The following CPAMD8 variants were observed in gnomAD, a reference collection of about 807,000 sequenced individuals.
The protein encoded by CPAMD8 is C3 and PZP like alpha-2-macroglobulin domain containing 8, also known as C3 and PZP-like alpha-2-macroglobulin domain-containing protein 8.
In CPAMD8, 146 loss-of-function variants were observed where a neutral mutation model predicts 224.7. That is an observed-to-expected ratio of 0.65 (90% CI 0.57 to 0.75). CPAMD8 has a LOEUF of 0.75. Ranked by LOEUF, CPAMD8 falls within the 30% of genes least tolerant of loss-of-function variation. The probability of loss-of-function intolerance (pLI) is 0.00; values close to 1 mark genes in which losing one functional copy is unlikely to be tolerated. For missense variants in CPAMD8, 2,301 were observed against 2,537.5 expected (o/e 0.91, Z 2.00); for synonymous variants, 966 against 1,044.6 (o/e 0.92, Z 1.45).
chr19:16,988,708 T>G (rs951974431), intron 13 of CPAMD8, among the ~76,000 whole-genome samples: 1 of 151,882 alleles, frequency 6.6e-6, no homozygotes, highest in African/African-American at 2.4e-5. Flanking sequence ...AAGGGATCCC[T>G]GTGTCAGCTG....
At chr19:16,981,132 C>T (rs1290170035) in intron 13 of CPAMD8, among the ~76,000 whole-genome samples, 1 of 151,772 alleles carries the variant, frequency 6.6e-6, no homozygotes, top group Non-Finnish European at 1.5e-5. Context: ...GCGGACAGAT[C>T]GCTCAAGTCC....
At chr19:16,974,947 C>T in intron 17 of CPAMD8, 150 bp downstream of exon 17, 2 of 1,066,442 alleles carry the variant, frequency 1.9e-6, no homozygotes, top group Non-Finnish European at 2.7e-6. Flanking sequence ...TGCACTCCAG[C>T]CTGGGCCACA....
At chr19:16,940,769 C>T (rs1042470633) in intron 22 of CPAMD8, among the ~76,000 whole-genome samples, 9 of 152,104 alleles carry the variant, frequency 5.9e-5, no homozygotes, top group East Asian at 1.9e-4. Context: ...CTGCTAGGCC[C>T]GATGTGGCAC....
At chr19:16,943,880 T>C (rs918695020) in intron 22 of CPAMD8, among the ~76,000 whole-genome samples, 1 of 152,142 alleles carries the variant, frequency 6.6e-6, no homozygotes, top group Non-Finnish European at 1.5e-5. Flanking sequence ...AGCCCTCCTA[T>C]CACTCCAGTG....
intron 41 of CPAMD8, chr19:16,895,825 T>G (rs1462985102): frequency 6.4e-6 from 3 of 466,198 alleles, no homozygotes; most frequent in Non-Finnish European, 8.5e-6. Context: ...TGAAAAAATC[T>G]GAAATCCGAA....
At chr19:17,025,366 C>T (rs1047465396) in intron 1 of CPAMD8, among the ~76,000 whole-genome samples, 1 of 152,150 alleles carries the variant, frequency 6.6e-6, no homozygotes, top group African/African-American at 2.4e-5. Context: ...AAGCCAAGAT[C>T]GTGCCATTGC....
intron 17 of CPAMD8, among the ~76,000 whole-genome samples, chr19:16,972,655 C>T (rs973650101): frequency 2.0e-5 from 3 of 151,970 alleles, no homozygotes; most frequent in African/African-American, 7.2e-5. Context: ...AAGATGGTCT[C>T]GATCTCCTGA....
rs138447834 is a variant in CPAMD8, at chr19:16,968,867, G to T, written c.2213+2024C>A. On this transcript the variant is annotated intron_variant, in intron 18 of 41. Coordinates refer to ENST00000443236, the MANE Select transcript of CPAMD8 (RefSeq NM_015692.5). ...TGCCCAGGCTGGTCTCAAACTCCTA[G>T]GCTCAAGTGATCTGCCTGCCTTGGC... Among the ~76,000 whole-genome samples, 50 of 152,224 alleles carry T rather than the reference G, an allele frequency of 3.3e-4. 1 individual carries two copies. In the East Asian group the frequency reaches 9.1e-3, roughly 28 times the overall value.
In CPAMD8 at chr19:16,893,083, C is replaced by T; in HGVS notation, c.*25G>A. ...ATGGTCCCCAGGACCAAACTGCGGT[C>T]CCACAACTGCATGTGGTTGTAGGAT... On this transcript the variant is annotated 3_prime_UTR_variant, in exon 42 of 42. Transcript: ENST00000443236. 9.3e-7 allele frequency: 1 copy of T among 1,078,696 alleles called. No individual in the cohort carries two copies. The highest frequency in any genetic ancestry group is 1.4e-6 in the Non-Finnish European group (1 of 693,496). The allele number at this position is 1,078,696 out of a possible 1,614,324, so 66.8% of individuals were successfully genotyped here. A position where few individuals can be genotyped will look rare whatever the true frequency, so the allele number is the denominator to read the frequency against.
intron 29 of CPAMD8, among the ~76,000 whole-genome samples, chr19:16,909,846 C>T (rs976061882): frequency 6.6e-6 from 1 of 152,092 alleles, no homozygotes; most frequent in East Asian, 1.9e-4. Context: ...CACTGCTGAT[C>T]GGCACGGGAG....
chr19:17,011,687 G>A lies in CPAMD8; in HGVS notation c.338C>T (p.Pro113Leu). 1 of 1,613,950 alleles carries A rather than the reference G, an allele frequency of 6.2e-7. No individual in the cohort carries two copies. Among genetic ancestry groups the A allele is most frequent in the Non-Finnish European group, 8.5e-7 (1 of 1,179,982 alleles). The change falls in exon 4 of 42, where the codon CCC becomes CTC. Residue 113 changes from proline to leucine, a missense_variant. Coordinates refer to ENST00000443236, the MANE Select transcript of CPAMD8 (RefSeq NM_015692.5). The part of the protein sequence containing the change: ...WGRGWQAEEG[P>L]LFHNQTSVTV... The stretch of plus-strand genomic sequence containing the variant: ...CACCGAGGTCTGGTTGTGAAAGAGG[G>A]GCCCCTCCTCCGCCTGCCAGCCGCG...
chr19:16,939,630 G>A (rs1372383341), intron 22 of CPAMD8, among the ~76,000 whole-genome samples: 2 of 152,168 alleles, frequency 1.3e-5, no homozygotes, highest in African/African-American at 4.8e-5. Context: ...TGGTGTTGGA[G>A]GACTGAGTAG....
Position 16,984,704 on chromosome 19 carries a change from C to A in CPAMD8, c.1396-4018G>T, listed in dbSNP as rs114104152. On this transcript the variant is annotated intron_variant, in intron 13 of 41. Coordinates refer to ENST00000443236, the MANE Select transcript of CPAMD8 (RefSeq NM_015692.5). ...ACTTTCACGACTCAACAAAGATAAA[C>A]AACCCAATTATTAACAGTAGTGGGG... Among the ~76,000 whole-genome samples, 12 of 152,270 alleles carry A rather than the reference C, an allele frequency of 7.9e-5. 1 individual carries two copies. The South Asian group carries it at 2.5e-3, about 32-fold the overall frequency.
At chr19:16,903,967 T>G in intron 32 of CPAMD8, 110 bp from the exon 33 acceptor site, 2 of 1,150,834 alleles carry the variant, frequency 1.7e-6, no homozygotes, top group East Asian at 2.5e-5. Context: ...GGGGCTGGAA[T>G]AGAGACTGGA....
chr19:17,018,331 C>T (rs566532511), intron 3 of CPAMD8, among the ~76,000 whole-genome samples: 1 of 152,188 alleles, frequency 6.6e-6, no homozygotes, highest in Middle Eastern at 3.4e-3. Flanking sequence ...TAGTTTGGTA[C>T]ATATAATAAT....
chr19:16,969,696 A>G (rs1428158030), intron 18 of CPAMD8, among the ~76,000 whole-genome samples: 5 of 151,982 alleles, frequency 3.3e-5, no homozygotes, highest in Admixed American at 6.6e-5. Context: ...TGTGCCTAAC[A>G]TGGTGAAATC....
At chr19:16,932,646 T>C (rs189199443) in intron 23 of CPAMD8, among the ~76,000 whole-genome samples, 5 of 150,828 alleles carry the variant, frequency 3.3e-5, no homozygotes, top group Admixed American at 3.3e-4. Flanking sequence ...AATAACCCAA[T>C]CAGACAAAAA....
intron 17 of CPAMD8, among the ~76,000 whole-genome samples, chr19:16,973,685 C>G: frequency 6.6e-6 from 1 of 151,906 alleles, no homozygotes; most frequent in South Asian, 2.1e-4. Context: ...AAGGCACCCT[C>G]CAATGGGACA....
At chr19:16,979,472 A>ATCTG (rs2055423630) in intron 14 of CPAMD8, among the ~76,000 whole-genome samples, 4 of 82,720 alleles carry the variant, frequency 4.8e-5, no homozygotes, top group African/African-American at 3.7e-4. Context: ...CTGTCCATTC[A>ATCTG]TCCATCCATC....
Sources: allele counts gnomAD v4.1 joint callset (sites outside exome capture counted in the v4.1 genomes callset), GRCh38; gene constraint gnomAD v4.1.1; transcripts MANE v1.5; gene names NCBI Gene and HGNC (gene_info 2026-07-23, HGNC 2026-07-21).